Variants in EPHA4 observed in about 807,000 individuals in gnomAD.
EPHA4 encodes the protein ephrin type-A receptor 4.
In EPHA4, 19 loss-of-function variants were observed where a neutral mutation model predicts 108.3. The observed-to-expected ratio is 0.18, with a 90% confidence interval of 0.12 to 0.26. The LOEUF (loss-of-function observed/expected upper bound fraction) is 0.26. Ranked by LOEUF, EPHA4 falls within the 10% of genes least tolerant of loss-of-function variation. The probability of loss-of-function intolerance (pLI) is 1.00; values close to 1 mark genes in which losing one functional copy is unlikely to be tolerated. For synonymous variants in EPHA4, 449 were observed against 455.5 expected (o/e 0.99, Z 0.18); for missense variants, 917 against 1,254.0 (o/e 0.73, Z 4.06).
chr2:221,536,243 C>A (rs73994286), intron 3 of EPHA4, among the ~76,000 whole-genome samples: 3,471 of 152,262 alleles, frequency 0.023, 110 homozygotes, highest in African/African-American at 0.071. Context: ...GCCTAAGGAA[C>A]TTGTCCATGA....
chr2:221,439,241 G>A (rs1010867834), intron 11 of EPHA4, among the ~76,000 whole-genome samples: 1 of 151,488 alleles, frequency 6.6e-6, no homozygotes, highest in African/African-American at 2.4e-5. Context: ...TGGCAGGGGT[G>A]TGTCTGCACA....
chr2:221,494,449 C>T (rs1424663230), intron 4 of EPHA4, among the ~76,000 whole-genome samples: 1 of 152,072 alleles, frequency 6.6e-6, no homozygotes, highest in South Asian at 2.1e-4. Context: ...ACTAAAAATA[C>T]AAAAATATTA....
chr2:221,468,547 G>C (rs1478546097), intron 5 of EPHA4, among the ~76,000 whole-genome samples: 1 of 152,136 alleles, frequency 6.6e-6, no homozygotes, highest in Non-Finnish European at 1.5e-5. Flanking sequence ...ATGAGACAAT[G>C]CTGTAACATT....
intron 3 of EPHA4, among the ~76,000 whole-genome samples, chr2:221,527,205 A>C (rs894674562): frequency 6.6e-6 from 1 of 152,192 alleles, no homozygotes; most frequent in Non-Finnish European, 1.5e-5. Context: ...AAATTGGATA[A>C]ATTCAACATG....
rs575017779 is a variant in EPHA4 at position 221,499,756 on chromosome 2, A to ATTTTT, written c.979+1256_979+1260dup. ...TATATATATATATATATATATATAT[A>ATTTTT]TTTTTTTTTTTTTTTTTTGAGACAG... On this transcript the variant is annotated intron_variant, in intron 4 of 17. Coordinates refer to ENST00000281821, the MANE Select transcript of EPHA4 (RefSeq NM_004438.5). Among the ~76,000 whole-genome samples, 82 of 26,210 alleles carry ATTTTT rather than the reference A, an allele frequency of 3.1e-3. 5 individuals are homozygous for ATTTTT. Among genetic ancestry groups the ATTTTT allele is most frequent in the South Asian group, 7.1e-3 (3 of 420 alleles). The allele number at this position is 26,210 out of a possible 152,430, so 17.2% of individuals were successfully genotyped here.
intron 8 of EPHA4, among the ~76,000 whole-genome samples, chr2:221,450,448 G>A (rs971596352): frequency 3.3e-5 from 5 of 152,178 alleles, no homozygotes; most frequent in Admixed American, 6.5e-5. Flanking sequence ...CACTAGCAGA[G>A]TCTTGAAGCT....
intron 5 of EPHA4, among the ~76,000 whole-genome samples, chr2:221,469,813 G>T (rs1415426635): frequency 6.6e-6 from 1 of 152,124 alleles, no homozygotes; most frequent in Non-Finnish European, 1.5e-5. Context: ...AGACAGAAAG[G>T]TCCAGAATCC....
intron 3 of EPHA4, among the ~76,000 whole-genome samples, chr2:221,534,085 G>A (rs769684298): frequency 1.1e-4 from 17 of 152,140 alleles, no homozygotes; most frequent in Non-Finnish European, 1.9e-4. Flanking sequence ...GGTAGGCAGG[G>A]ACTCAATTTC....
intron 3 of EPHA4, among the ~76,000 whole-genome samples, chr2:221,546,955 G>A (rs931787762): frequency 2.6e-5 from 4 of 152,112 alleles, no homozygotes; most frequent in East Asian, 3.8e-4. Flanking sequence ...AAAATAAAAG[G>A]GGGGGGACAA....
At chr2:221,470,867 T>C (rs1386844570) in intron 5 of EPHA4, among the ~76,000 whole-genome samples, 1 of 152,150 alleles carries the variant, frequency 6.6e-6, no homozygotes, top group Non-Finnish European at 1.5e-5. Context: ...TTTGAAAATC[T>C]GTCTTTTTGA....
In EPHA4 at chr2:221,471,019, C is replaced by A. The variant is rs562331219; in HGVS notation, c.1318+11333G>T. ...TAGAGTATCAGCTAGAAACTAAGTT[C>A]TATGTGCTAGATAGTTTAAATTTCT... On this transcript the variant is annotated intron_variant, in intron 5 of 17. Coordinates refer to ENST00000281821, the MANE Select transcript of EPHA4 (RefSeq NM_004438.5). 2.6e-5 allele frequency among the ~76,000 whole-genome samples: 4 copies of A among 151,840 alleles called. No homozygotes were observed. The South Asian group carries it at 6.2e-4, about 24-fold the overall frequency.
chr2:221,436,697 A>C (rs914509624), intron 12 of EPHA4, 89 bp from the exon 13 acceptor site: 2 of 1,324,908 alleles, frequency 1.5e-6, no homozygotes, highest in African/African-American at 1.4e-5. Context: ...CTTTTTGGGT[A>C]TCTGTATCCG....
Position 221,555,567 on chromosome 2 carries a change from G to A in EPHA4, c.823+8164C>T, listed in dbSNP as rs542923260. Among the ~76,000 whole-genome samples, 7 of 152,302 alleles carry A rather than the reference G, an allele frequency of 4.6e-5. No individual in the cohort carries two copies. In the South Asian group the frequency reaches 1.4e-3, roughly 32 times the overall value. On this transcript the variant is annotated intron_variant, in intron 3 of 17. Transcript: ENST00000281821. ...TGAATATTCATAAAATGTTCATTTAGTCATGGGATTCTTAATTACCCTCCA... is the reference window on the plus strand; with the variant it reads ...TGAATATTCATAAAATGTTCATTTAATCATGGGATTCTTAATTACCCTCCA...
At chr2:221,513,382 G>T (rs1692888914) in intron 3 of EPHA4, among the ~76,000 whole-genome samples, 1 of 152,174 alleles carries the variant, frequency 6.6e-6, no homozygotes, top group Non-Finnish European at 1.5e-5. Flanking sequence ...ATTAACTCCG[G>T]CAGCAGCATT....
chr2:221,472,906 G>A (rs975194), intron 5 of EPHA4, among the ~76,000 whole-genome samples: 114,407 of 152,104 alleles, frequency 0.75, 43,159 homozygotes, highest in East Asian at 0.87. Context: ...CTACCAATTT[G>A]TCAGAATAGA....
intron 1 of EPHA4, among the ~76,000 whole-genome samples, chr2:221,569,649 C>G (rs993209254): frequency 4.7e-5 from 7 of 149,292 alleles, no homozygotes; most frequent in African/African-American, 1.7e-4. Context: ...CAAAACCTCT[C>G]TTTCCCACCG....
At position 221,470,340 on chromosome 2, in the gene EPHA4, G is replaced by GA. The variant is rs1691442111; in HGVS notation, c.1318+12011_1318+12012insT. On this transcript the variant is annotated intron_variant, in intron 5 of 17. Transcript: ENST00000281821. The stretch of plus-strand genomic sequence containing the variant: ...GAGACAGAGAGAGAAAGGGCGGGGG[G>GA]GAGAGAGAGAGAGAGAGAGAGAAAC... Among the ~76,000 whole-genome samples, 3 of 148,012 alleles carry GA rather than the reference G, an allele frequency of 2.0e-5. No homozygotes were observed. In the East Asian group the frequency reaches 6.0e-4, roughly 30 times the overall value.
intron 5 of EPHA4, among the ~76,000 whole-genome samples, chr2:221,467,757 C>T (rs1559253600): frequency 6.6e-6 from 1 of 152,160 alleles, no homozygotes; most frequent in Non-Finnish European, 1.5e-5. Context: ...CAAGTGTGTC[C>T]TGTGTTTCGT....
chr2:221,556,471 A>ATTTTTTTTTT (rs1225934215), intron 3 of EPHA4, among the ~76,000 whole-genome samples: 1 of 113,750 alleles, frequency 8.8e-6, no homozygotes, highest in Non-Finnish European at 1.9e-5. Flanking sequence ...TAATTTTTGT[A>ATTTTTTTTTT]TTTTTTTTTT....
Sources: allele counts gnomAD v4.1 joint callset (sites outside exome capture counted in the v4.1 genomes callset), GRCh38; gene constraint gnomAD v4.1.1; transcripts MANE v1.5; gene names NCBI Gene and HGNC (gene_info 2026-07-23, HGNC 2026-07-21).